The following NRCAM variants were observed in gnomAD, a reference collection of about 807,000 sequenced individuals.
The protein encoded by NRCAM is NgCAM-related cell adhesion molecule.
In NRCAM, 83 loss-of-function variants were observed where a neutral mutation model predicts 156.5. The ratio of observed to expected loss-of-function variants is 0.53; its 90% CI spans 0.44 to 0.64. NRCAM has a LOEUF of 0.64. NRCAM is among the 30% of genes least tolerant of loss of function. The pLI, the probability that NRCAM is intolerant of heterozygous loss-of-function variation, is 0.00. For synonymous variants in NRCAM, 538 were observed against 563.9 expected, an observed-to-expected ratio of 0.95 and a Z score of 0.65; for missense variants, 1,417 against 1,597.3, an observed-to-expected ratio of 0.89 and a Z score of 1.92.
rs561612521 is a variant in NRCAM at position 108,298,386 on chromosome 7, C to A, written c.-107+14279G>T. ...ACCCGCAGGGCACGGTGGCTCATGCCTGTAATCCCAGAACTTTGGGAGGCC... is the reference window on the plus strand; with the variant it reads ...ACCCGCAGGGCACGGTGGCTCATGCATGTAATCCCAGAACTTTGGGAGGCC... On this transcript the variant is annotated intron_variant, in intron 3 of 32. Transcript: ENST00000379028. 9.2e-5 allele frequency among the ~76,000 whole-genome samples: 14 copies of A among 151,890 alleles called. No individual in the cohort carries two copies. In the South Asian group the frequency reaches 2.7e-3, roughly 29 times the overall value.
Position 108,456,430 on chromosome 7 carries a change from C to G in NRCAM, c.-519G>C, listed in dbSNP as rs1273455350. The G allele has an allele frequency of 2.0e-5, 3 of 150,772 alleles. No individual in the cohort carries two copies. Among genetic ancestry groups the G allele is most frequent in the Admixed American group, 2.0e-4 (3 of 15,152 alleles). The allele number at this position is 150,772 out of a possible 1,614,324, so 9.3% of individuals were successfully genotyped here. ...GCGTCCGCCAGCGACCCTGGCGAAG[C>G]GAGGCTGGCCCCGCGCCGGCGCGCG... On this transcript the variant is annotated 5_prime_UTR_variant, in exon 1 of 33. Transcript: ENST00000379028.
chr7:108,450,928 G>T (rs974273642), intron 1 of NRCAM, among the ~76,000 whole-genome samples: 1 of 152,174 alleles, frequency 6.6e-6, no homozygotes, highest in East Asian at 1.9e-4. Flanking sequence ...AGCTTTAAAA[G>T]ATAACAGTGG....
intron 3 of NRCAM, among the ~76,000 whole-genome samples, chr7:108,272,581 A>AATGTAT (rs1232364287): frequency 6.6e-6 from 1 of 152,078 alleles, no homozygotes; most frequent in African/African-American, 2.4e-5. Context: ...GGGTGTTATA[A>AATGTAT]AACATTTATA....
At chr7:108,242,134 G>A (rs558194289) in intron 3 of NRCAM, among the ~76,000 whole-genome samples, 47 of 151,628 alleles carry the variant, frequency 3.1e-4, no homozygotes, top group African/African-American at 1.1e-3. Context: ...AATTAGCCAG[G>A]CATGGTGGTG....
chr7:108,225,681 T>G lies in NRCAM; in HGVS notation c.742A>C (p.Ile248Leu). The change falls in exon 10 of 33, where the codon ATA becomes CTA. Residue 248 changes from isoleucine (I) to leucine (L), a missense_variant. This residue lies in a region of NRCAM where 1,238 missense variants were observed against 1,336.4 expected (regional missense o/e 0.93). Transcript: ENST00000379028. The part of the protein sequence containing the change: ...VISVDELNDT[I>L]AANLSDTEFY... ...TCAGTGTCACTCAAATTAGCAGCTATAGTGTCATTCAATTCATCCACTGAA... is the reference window on the plus strand; with the variant it reads ...TCAGTGTCACTCAAATTAGCAGCTAGAGTGTCATTCAATTCATCCACTGAA... 1.9e-6 allele frequency: 3 copies of G among 1,593,558 alleles called. No homozygotes were observed. The highest frequency in any genetic ancestry group is 2.2e-5 in the East Asian group (1 of 44,766).
chr7:108,409,006 T>C (rs779309128), intron 1 of NRCAM, among the ~76,000 whole-genome samples: 44 of 152,028 alleles, frequency 2.9e-4, no homozygotes, highest in Non-Finnish European at 3.7e-4. Flanking sequence ...ACGAGGGGTG[T>C]GACATATTCA....
rs577540336 is a variant in NRCAM, at chr7:108,417,715, C to T, written c.-331-18122G>A. Among the ~76,000 whole-genome samples, 97 of 152,202 alleles carry T rather than the reference C, an allele frequency of 6.4e-4. 1 individual carries two copies. The highest frequency in any genetic ancestry group is 2.0e-3 in the Admixed American group (30 of 15,272). On this transcript the variant is annotated intron_variant, in intron 1 of 32. Coordinates refer to ENST00000379028, the MANE Select transcript of NRCAM (RefSeq NM_001037132.4). The stretch of plus-strand genomic sequence containing the variant: ...ATCTCTGGACACTAGGCAGATGGCT[C>T]TTTCTTTTCTTTTCTTTTCTCTGCT...
chr7:108,160,281 A>G lies in NRCAM; in HGVS notation c.3598+80T>C, dbSNP rs2048111255. 8 of 1,381,752 alleles carry G rather than the reference A, an allele frequency of 5.8e-6. No homozygotes were observed. The Middle Eastern group carries it at 5.5e-4, about 96-fold the overall frequency. 85.6% of individuals were successfully genotyped at this position (1,381,752 alleles called of 1,614,324 possible). A position where few individuals can be genotyped will look rare whatever the true frequency, so the allele number is the denominator to read the frequency against. On this transcript the variant is annotated intron_variant, in intron 31 of 32. Transcript: ENST00000379028. Reference sequence around the variant, plus strand: ...CTGGGAAGACAAAATATTACAATCTACATGATTTCCCCCATGATCTTTTTA... The same window carrying G: ...CTGGGAAGACAAAATATTACAATCTGCATGATTTCCCCCATGATCTTTTTA...
rs1392406704 is a variant in NRCAM at position 108,456,325 on chromosome 7, C to CTA, written c.-416_-415dup. The CTA allele has an allele frequency of 6.6e-6, 1 of 152,052 alleles. No homozygotes were observed. The highest frequency in any genetic ancestry group is 1.5e-5 in the Non-Finnish European group (1 of 68,048). 9.4% of individuals were successfully genotyped at this position (152,052 alleles called of 1,614,324 possible). A position where few individuals can be genotyped will look rare whatever the true frequency, so the allele number is the denominator to read the frequency against. On this transcript the variant is annotated 5_prime_UTR_variant, in exon 1 of 33. Coordinates refer to ENST00000379028, the MANE Select transcript of NRCAM (RefSeq NM_001037132.4). ...CCGGTGTCCTCCGTTCTCGACGAAG[C>CTA]TATCCCCTCTGGCTGCTCCAGCCAG...
At chr7:108,266,358 T>C (rs1168582863) in intron 3 of NRCAM, among the ~76,000 whole-genome samples, 1 of 152,156 alleles carries the variant, frequency 6.6e-6, no homozygotes, top group Non-Finnish European at 1.5e-5. Flanking sequence ...ATGCTACCAA[T>C]CAGAATAATG....
rs77909355 is a variant in NRCAM, at chr7:108,270,314, T to C, written c.-106-30144A>G. 2.4e-3 allele frequency among the ~76,000 whole-genome samples: 371 copies of C among 152,354 alleles called. 1 individual carries two copies. The highest frequency in any genetic ancestry group is 4.2e-3 in the Non-Finnish European group (286 of 68,030). ...AAAACTACCTAGTGATGCCTTTGCA[T>C]GGTCCCTCAGTGAGAGAAAAGACCA... On this transcript the variant is annotated intron_variant, in intron 3 of 32. Coordinates refer to ENST00000379028, the MANE Select transcript of NRCAM (RefSeq NM_001037132.4).
chr7:108,303,539 C>T (rs993025925), intron 3 of NRCAM, among the ~76,000 whole-genome samples: 1 of 152,180 alleles, frequency 6.6e-6, no homozygotes. Context: ...GCTCTGACCA[C>T]GTGACTCCTG....
intron 2 of NRCAM, among the ~76,000 whole-genome samples, chr7:108,358,691 G>C (rs529328327): frequency 6.6e-6 from 1 of 152,154 alleles, no homozygotes; most frequent in Non-Finnish European, 1.5e-5. Context: ...CAGCCCCAGC[G>C]TATGCCCTGA....
intron 3 of NRCAM, among the ~76,000 whole-genome samples, chr7:108,275,462 T>C (rs538907175): frequency 6.6e-6 from 1 of 152,242 alleles, no homozygotes; most frequent in Non-Finnish European, 1.5e-5. Context: ...GGTTTAGTCT[T>C]CAAAGAGCGT....
intron 3 of NRCAM, among the ~76,000 whole-genome samples, chr7:108,294,019 T>C (rs1332762057): frequency 6.6e-6 from 1 of 152,084 alleles, no homozygotes; most frequent in Non-Finnish European, 1.5e-5. Flanking sequence ...TGTCTTTCCC[T>C]TGGGTTCTGC....
intron 9 of NRCAM, 99 bp from the exon 10 acceptor site, chr7:108,225,800 G>A: frequency 6.3e-6 from 5 of 792,656 alleles, no homozygotes; most frequent in Middle Eastern, 2.2e-4. Flanking sequence ...TATCCTGACC[G>A]AGTGCTGTTC....
At chr7:108,420,252 T>C (rs867817655) in intron 1 of NRCAM, among the ~76,000 whole-genome samples, 8 of 152,140 alleles carry the variant, frequency 5.3e-5, no homozygotes, top group South Asian at 2.1e-4. Context: ...GATATTACTA[T>C]AGAGATTCTG....
At chr7:108,356,578 C>T (rs73714833) in intron 2 of NRCAM, among the ~76,000 whole-genome samples, 15,110 of 151,988 alleles carry the variant, frequency 0.099, 923 homozygotes, top group African/African-American at 0.17. Flanking sequence ...AAAAATTGTT[C>T]TTTTTTTGAG....
chr7:108,323,042 T>A (rs932523795), intron 2 of NRCAM, among the ~76,000 whole-genome samples: 2 of 152,206 alleles, frequency 1.3e-5, no homozygotes, highest in African/African-American at 4.8e-5. Flanking sequence ...GTATAAATGT[T>A]ACCGGTGTTA....
Sources: gnomAD v4.1 joint callset for allele counts (sites outside exome capture counted in the v4.1 genomes callset) on GRCh38, gnomAD v4.1.1 for gene constraint, gnomAD v4.1.1 regional missense constraint, MANE v1.5 for transcripts, NCBI Gene and HGNC (gene_info 2026-07-23, HGNC 2026-07-21) for gene names.